Variants in ATRNL1 observed in about 807,000 individuals in gnomAD.
ATRNL1 encodes the protein attractin like 1.
Under a neutral mutation model 182.7 loss-of-function variants are expected in ATRNL1, and 95 were observed. The ratio of observed to expected loss-of-function variants is 0.52; its 90% CI spans 0.44 to 0.62. ATRNL1 has a LOEUF of 0.62. Ranked by LOEUF, ATRNL1 falls within the 20% of genes least tolerant of loss-of-function variation. The pLI is 0.00. For synonymous variants in ATRNL1, 576 were observed against 568.3 expected (o/e 1.01, Z -0.19); for missense variants, 1,471 against 1,679.5 (o/e 0.88, Z 2.17).
intron 19 of ATRNL1, among the ~76,000 whole-genome samples, chr10:115,387,105 T>C (rs899314185): frequency 3.5e-4 from 53 of 151,188 alleles, no homozygotes; most frequent in African/African-American, 1.2e-3. Context: ...TGATGTCCTT[T>C]GTAGGGACAT....
chr10:115,373,265 G>A (rs939606642), intron 19 of ATRNL1, among the ~76,000 whole-genome samples: 4 of 152,024 alleles, frequency 2.6e-5, no homozygotes, highest in African/African-American at 9.7e-5. Flanking sequence ...TGGGTTTTTG[G>A]TGGAGTCTTT....
intron 28 of ATRNL1, among the ~76,000 whole-genome samples, chr10:115,892,700 T>C (rs1318094590): frequency 7.2e-5 from 11 of 152,206 alleles, no homozygotes; most frequent in Admixed American, 7.2e-4. Flanking sequence ...TGGATTTGAA[T>C]TCCGATTGAA....
intron 11 of ATRNL1, among the ~76,000 whole-genome samples, chr10:115,266,592 A>G (rs1003911159): frequency 1.3e-5 from 2 of 151,836 alleles, no homozygotes; most frequent in South Asian, 2.1e-4. Flanking sequence ...TTGTCTGGAA[A>G]GTCTTCAAGA....
At chr10:115,733,322 A>G (rs961166232) in intron 27 of ATRNL1, among the ~76,000 whole-genome samples, 5 of 152,198 alleles carry the variant, frequency 3.3e-5, no homozygotes, top group Non-Finnish European at 7.3e-5. Flanking sequence ...AGAAAATTAT[A>G]GCTTTCGAGT....
chr10:115,710,972 AT>A (rs1947045965), intron 26 of ATRNL1, among the ~76,000 whole-genome samples: 1 of 152,126 alleles, frequency 6.6e-6, no homozygotes, highest in South Asian at 2.1e-4. Context: ...TTGTAATGGC[AT>A]TTATGAATAT....
chr10:115,517,419 A>G (rs560850090), intron 24 of ATRNL1, among the ~76,000 whole-genome samples: 1 of 152,012 alleles, frequency 6.6e-6, no homozygotes, highest in African/African-American at 2.4e-5. Context: ...ACTGTTCTAT[A>G]TGTGTTTTCT....
At chr10:115,221,810 A>T (rs1239867170) in intron 9 of ATRNL1, among the ~76,000 whole-genome samples, 11 of 152,172 alleles carry the variant, frequency 7.2e-5, no homozygotes, top group Non-Finnish European at 1.5e-4. Flanking sequence ...TTGAATCATC[A>T]TAATCTTTTA....
intron 21 of ATRNL1, among the ~76,000 whole-genome samples, chr10:115,438,905 C>A (rs1204321255): frequency 6.6e-6 from 1 of 151,768 alleles, no homozygotes; most frequent in Non-Finnish European, 1.5e-5. Context: ...AGGCACCAAC[C>A]CCGCATGTAG....
chr10:115,159,777 T>C (rs945182952), intron 5 of ATRNL1, among the ~76,000 whole-genome samples: 11 of 151,708 alleles, frequency 7.3e-5, no homozygotes, highest in Non-Finnish European at 4.4e-5. Context: ...AATCTGACAT[T>C]TTATATTATT....
At chr10:115,574,083 C>T (rs1854564646) in intron 26 of ATRNL1, among the ~76,000 whole-genome samples, 1 of 151,962 alleles carries the variant, frequency 6.6e-6, no homozygotes, top group African/African-American at 2.4e-5. Context: ...CTTGCAAAAT[C>T]ATGATTCTGT....
At chr10:115,399,360 G>A (rs929930101) in intron 20 of ATRNL1, among the ~76,000 whole-genome samples, 2 of 152,044 alleles carry the variant, frequency 1.3e-5, no homozygotes, top group African/African-American at 2.4e-5. Context: ...CTGATTATTG[G>A]TCTGTTCAGG....
chr10:115,913,463 T>C (rs1952747370), intron 28 of ATRNL1, among the ~76,000 whole-genome samples: 1 of 152,234 alleles, frequency 6.6e-6, no homozygotes, highest in African/African-American at 2.4e-5. Context: ...GCTTAACTAC[T>C]GTAAAGCCAC....
intron 26 of ATRNL1, among the ~76,000 whole-genome samples, chr10:115,588,299 G>A (rs945092916): frequency 6.6e-6 from 1 of 152,128 alleles, no homozygotes; most frequent in Non-Finnish European, 1.5e-5. Flanking sequence ...CTCTTTTGCT[G>A]TGCAGCTTCT....
intron 25 of ATRNL1, among the ~76,000 whole-genome samples, chr10:115,521,334 G>A (rs2133707245): frequency 6.6e-6 from 1 of 152,154 alleles, no homozygotes; most frequent in Middle Eastern, 3.4e-3. Context: ...TGTATTTTTA[G>A]TAGATACGGG....
intron 19 of ATRNL1, among the ~76,000 whole-genome samples, chr10:115,337,834 T>G (rs1372036056): frequency 1.3e-5 from 2 of 151,996 alleles, no homozygotes; most frequent in Non-Finnish European, 2.9e-5. Flanking sequence ...GGGAGTAGTT[T>G]TGGGGAAGAC....
chr10:115,905,504 A>G, intron 28 of ATRNL1, among the ~76,000 whole-genome samples: 1 of 151,962 alleles, frequency 6.6e-6, no homozygotes. Flanking sequence ...TACTGGGACT[A>G]CAGGCGTGAG....
rs146176701 is a variant in ATRNL1 at position 115,222,433 on chromosome 10, A to T, written c.1532+6553A>T. 5.0e-3 allele frequency among the ~76,000 whole-genome samples: 761 copies of T among 152,280 alleles called. 4 individuals are homozygous for T. Among genetic ancestry groups the T allele is most frequent in the African/African-American group, 0.016 (672 of 41,568 alleles). ...TGAATAAGAAATTTTCAAAAGTGAC[A>T]AAGACATCAAGCCACAGATTAAAGA... On this transcript the variant is annotated intron_variant, in intron 9 of 28. Coordinates refer to ENST00000355044, the MANE Select transcript of ATRNL1 (RefSeq NM_207303.4).
intron 27 of ATRNL1, among the ~76,000 whole-genome samples, chr10:115,790,690 C>T (rs781891977): frequency 4.0e-5 from 6 of 151,122 alleles, no homozygotes; most frequent in Non-Finnish European, 7.4e-5. Context: ...AGATCTAGAC[C>T]AGTATGTTTT....
intron 17 of ATRNL1, among the ~76,000 whole-genome samples, chr10:115,304,113 A>C (rs1215965899): frequency 6.6e-6 from 1 of 151,996 alleles, no homozygotes; most frequent in African/African-American, 2.4e-5. Flanking sequence ...TCTCTCCAGG[A>C]AACAGCCACT....
Sources: allele counts gnomAD v4.1 joint callset (sites outside exome capture counted in the v4.1 genomes callset), GRCh38; gene constraint gnomAD v4.1.1; transcripts MANE v1.5; gene names NCBI Gene and HGNC (gene_info 2026-07-23, HGNC 2026-07-21).